ADAMTS14: variants seen among roughly 807,000 people sequenced by gnomAD.
ADAMTS14 encodes ADAM metallopeptidase with thrombospondin type 1 motif 14.
Under a neutral mutation model 128.6 loss-of-function variants are expected in ADAMTS14, and 100 were observed. The observed-to-expected ratio is 0.78, with a 90% CI of 0.66 to 0.92. ADAMTS14 has a LOEUF of 0.92. ADAMTS14 is among the 40% of genes least tolerant of loss of function. The pLI, the probability that ADAMTS14 is intolerant of heterozygous loss-of-function variation, is 0.00. For synonymous variants in ADAMTS14, 665 were observed against 653.8 expected (o/e 1.02, Z -0.26); for missense variants, 1,562 against 1,658.6 (o/e 0.94, Z 1.01).
intron 4 of ADAMTS14, among the ~76,000 whole-genome samples, chr10:70,727,612 A>G (rs1000412705): frequency 3.3e-4 from 48 of 146,830 alleles, no homozygotes; most frequent in African/African-American, 1.2e-3. Flanking sequence ...ATCCCTGACC[A>G]CACTGCTGGC....
chr10:70,751,564 C>T lies in ADAMTS14; in HGVS notation c.2514C>T (p.Ser838=), dbSNP rs1842351770. The T allele has an allele frequency of 6.2e-7, 1 of 1,613,888 alleles. No homozygotes were observed. The highest frequency in any genetic ancestry group is 1.3e-5 in the African/African-American group (1 of 75,036). Residue 838 remains serine, a synonymous_variant, in exon 17 of 22, where the codon AGC becomes AGT. Transcript: ENST00000373207. ...IHEDLLPLIG[S]NNVLLEEMDT... is the part of the protein sequence containing the mutation. ...AGGACCTGCTGCCCCTTATCGGGAG[C>T]AACAATGTGCTCCTGGAGGAGATGG...
At chr10:70,723,930 G>A (rs1192106529) in intron 4 of ADAMTS14, among the ~76,000 whole-genome samples, 1 of 152,232 alleles carries the variant, frequency 6.6e-6, no homozygotes, top group Non-Finnish European at 1.5e-5. Flanking sequence ...TCAACTCTTG[G>A]CCTTCTCACT....
intron 8 of ADAMTS14, 94 bp downstream of exon 8, chr10:70,734,122 C>T: frequency 6.7e-7 from 1 of 1,499,234 alleles, no homozygotes; most frequent in Non-Finnish European, 9.0e-7. Flanking sequence ...CCCCACGTTG[C>T]CCCTGGCTTG....
At chr10:70,713,314 C>T (rs1176506250) in intron 4 of ADAMTS14, among the ~76,000 whole-genome samples, 4 of 133,914 alleles carry the variant, frequency 3.0e-5, no homozygotes, top group Non-Finnish European at 4.7e-5. Context: ...TCTGTGGGCC[C>T]TCTGTGGGAT....
chr10:70,707,580 C>T (rs1465297242), intron 3 of ADAMTS14, among the ~76,000 whole-genome samples: 1 of 152,202 alleles, frequency 6.6e-6, no homozygotes, highest in South Asian at 2.1e-4. Context: ...AGATGACTGA[C>T]AGCGCTCAAG....
In ADAMTS14 at chr10:70,734,154, C is replaced by T. The variant is rs943944652; in HGVS notation, c.1352+126C>T. 1.6e-5 allele frequency: 20 copies of T among 1,280,840 alleles called. No homozygotes were observed. The African/African-American group carries it at 2.5e-4, about 16-fold the overall frequency. 79.3% of individuals were successfully genotyped at this position (1,280,840 alleles called of 1,614,324 possible). ...CTTGACTCTTCCGTGACTCATCTCG[C>T]CTCCCCGCCAAACCTGGCCTAAAAC... On this transcript the variant is annotated intron_variant, in intron 8 of 21. Coordinates refer to ENST00000373207, the MANE Select transcript of ADAMTS14 (RefSeq NM_080722.4).
chr10:70,684,368 C>T (rs1839895453), intron 2 of ADAMTS14, among the ~76,000 whole-genome samples: 1 of 152,188 alleles, frequency 6.6e-6, no homozygotes. Context: ...ATCACTTCTG[C>T]ACCTTCTGCT....
chr10:70,716,580 T>C (rs9663577), intron 4 of ADAMTS14, among the ~76,000 whole-genome samples: 104,019 of 152,114 alleles, frequency 0.68, 35,741 homozygotes, highest in East Asian at 0.81. Flanking sequence ...AGCTTTTATT[T>C]GGCTGGGATG....
At chr10:70,723,683 C>A (rs1211972338) in intron 4 of ADAMTS14, among the ~76,000 whole-genome samples, 1 of 152,170 alleles carries the variant, frequency 6.6e-6, no homozygotes, top group East Asian at 1.9e-4. Flanking sequence ...CTTAATACCC[C>A]CAGGGTCTTG....
intron 19 of ADAMTS14, among the ~76,000 whole-genome samples, chr10:70,757,646 A>T (rs1053795923): frequency 6.6e-6 from 1 of 152,194 alleles, no homozygotes; most frequent in African/African-American, 2.4e-5. Flanking sequence ...GTAGTAGGGA[A>T]TGGGGTCCCA....
chr10:70,724,582 C>A (rs533431406), intron 4 of ADAMTS14, among the ~76,000 whole-genome samples: 1 of 152,200 alleles, frequency 6.6e-6, no homozygotes, highest in African/African-American at 2.4e-5. Context: ...ATGTGTCACA[C>A]GGCCTCTGCA....
At chr10:70,719,571 TTTA>T (rs1841181002) in intron 4 of ADAMTS14, among the ~76,000 whole-genome samples, 2 of 148,184 alleles carry the variant, frequency 1.3e-5, no homozygotes, top group South Asian at 4.3e-4. Context: ...CCAGCTAATT[TTTA>T]TTTTTTTTTT....
rs746940189 is a variant in ADAMTS14, at chr10:70,709,495, G to GTTTTTTT, written c.870+734_870+740dup. Among the ~76,000 whole-genome samples the GTTTTTTT allele has an allele frequency of 1.4e-3, 146 of 101,814 alleles. 5 individuals are homozygous for GTTTTTTT. The highest frequency in any genetic ancestry group is 2.3e-3 in the East Asian group (6 of 2,628). 66.8% of individuals were successfully genotyped at this position (101,814 alleles called of 152,430 possible). A position where few individuals can be genotyped will look rare whatever the true frequency, so the allele number is the denominator to read the frequency against. On this transcript the variant is annotated intron_variant, in intron 4 of 21. Coordinates refer to ENST00000373207, the MANE Select transcript of ADAMTS14 (RefSeq NM_080722.4). ...CCAGATATTTAAGTGAACATTTCCA[G>GTTTTTTT]TTTTTTTTTTTTTTTTTTTTTTTGA...
intron 1 of ADAMTS14, among the ~76,000 whole-genome samples, chr10:70,674,110 G>C (rs141266763): frequency 6.6e-6 from 1 of 152,056 alleles, no homozygotes; most frequent in African/African-American, 2.4e-5. Context: ...TGCCAGCTGC[G>C]TTCTTGGAAG....
chr10:70,727,131 G>A (rs577293333), intron 4 of ADAMTS14, among the ~76,000 whole-genome samples: 1 of 152,364 alleles, frequency 6.6e-6, no homozygotes, highest in Admixed American at 6.5e-5. Context: ...TCTGGGCACT[G>A]CGGAAAGTGG....
intron 2 of ADAMTS14, among the ~76,000 whole-genome samples, chr10:70,679,476 G>A (rs917467069): frequency 2.6e-5 from 4 of 152,152 alleles, no homozygotes; most frequent in African/African-American, 9.7e-5. Context: ...AGTTCTTTGC[G>A]GATCCTGGAG....
At chr10:70,740,621 A>T (rs552786026) in intron 11 of ADAMTS14, among the ~76,000 whole-genome samples, 1 of 152,184 alleles carries the variant, frequency 6.6e-6, no homozygotes, top group Admixed American at 6.5e-5. Context: ...GGCCTGCTCT[A>T]TGCCAGGGCC....
At chr10:70,730,071 G>T in intron 5 of ADAMTS14, 31 bp from the exon 6 acceptor site, 3 of 1,559,618 alleles carry the variant, frequency 1.9e-6, no homozygotes, top group Non-Finnish European at 2.6e-6. Context: ...GACCCTCCAC[G>T]TGGCTGTTGG....
At position 70,757,999 on chromosome 10, in the gene ADAMTS14, A is replaced by G. The variant is rs756163057; in HGVS notation, c.2975A>G (p.Gln992Arg). ...ATCGEGIQQRQVVCRTNANSL... is the reference protein window; with the variant it reads ...ATCGEGIQQRRVVCRTNANSL... ...TGTGGAGAGGGCATCCAGCAGCGGCAGGTGGTGTGCAGGACCAACGCCAAC... is the reference window on the plus strand; with the variant it reads ...TGTGGAGAGGGCATCCAGCAGCGGCGGGTGGTGTGCAGGACCAACGCCAAC... Residue 992 changes from glutamine to arginine, a missense_variant, in exon 20 of 22, where the codon CAG (glutamine) becomes CGG (arginine). By Grantham distance (43) the Gln-to-Arg change is conservative. Coordinates refer to ENST00000373207, the MANE Select transcript of ADAMTS14 (RefSeq NM_080722.4). The G allele has an allele frequency of 5.0e-6, 8 of 1,613,336 alleles. No individual in the cohort carries two copies. Among genetic ancestry groups the G allele is most frequent in the Admixed American group, 1.7e-5 (1 of 60,002 alleles).
Sources: gnomAD v4.1 joint callset for allele counts (sites outside exome capture counted in the v4.1 genomes callset) on GRCh38, gnomAD v4.1.1 for gene constraint, MANE v1.5 for transcripts, NCBI Gene and HGNC (gene_info 2026-07-23, HGNC 2026-07-21) for gene names.